NOL4: variants seen among roughly 807,000 people sequenced by gnomAD.
NOL4 encodes the protein cancer/testis antigen 125.
In NOL4, 17 loss-of-function variants were observed where a neutral mutation model predicts 75.9. The ratio of observed to expected loss-of-function variants is 0.22; its 90% CI spans 0.15 to 0.34. NOL4 has a LOEUF of 0.34. Ranked by LOEUF, NOL4 falls within the 10% of genes least tolerant of loss-of-function variation. The pLI is 1.00. For missense variants in NOL4, 614 were observed against 793.5 expected, an observed-to-expected ratio of 0.77 and a Z score of 2.72; for synonymous variants, 292 against 289.9, an observed-to-expected ratio of 1.01 and a Z score of -0.07.
At chr18:34,208,432 A>G (rs2036272154) in intron 1 of NOL4, among the ~76,000 whole-genome samples, 1 of 151,882 alleles carries the variant, frequency 6.6e-6, no homozygotes, top group Non-Finnish European at 1.5e-5. Flanking sequence ...CAGCTAGATG[A>G]CAAGAAAAAG....
chr18:34,092,146 G>A (rs941381347), intron 5 of NOL4, among the ~76,000 whole-genome samples: 12 of 150,764 alleles, frequency 8.0e-5, no homozygotes, highest in Non-Finnish European at 1.5e-5. Flanking sequence ...ACATTACTAA[G>A]AATATTTCAG....
chr18:33,891,761 A>G (rs2065109085), intron 9 of NOL4, among the ~76,000 whole-genome samples: 1 of 152,190 alleles, frequency 6.6e-6, no homozygotes, highest in African/African-American at 2.4e-5. Flanking sequence ...ATCAATTCAA[A>G]CTATGAGATA....
intron 5 of NOL4, among the ~76,000 whole-genome samples, chr18:34,052,800 G>C (rs2076679770): frequency 6.6e-6 from 1 of 152,000 alleles, no homozygotes; most frequent in South Asian, 2.1e-4. Context: ...TCCTGGTACA[G>C]GGAGGTAGGC....
At chr18:34,078,079 T>C (rs2077829456) in intron 5 of NOL4, among the ~76,000 whole-genome samples, 1 of 152,208 alleles carries the variant, frequency 6.6e-6, no homozygotes, top group African/African-American at 2.4e-5. Context: ...TGCATATCTG[T>C]ATGTTACTTT....
At chr18:34,004,921 C>A (rs978596978) in intron 6 of NOL4, among the ~76,000 whole-genome samples, 3 of 152,030 alleles carry the variant, frequency 2.0e-5, no homozygotes, top group Non-Finnish European at 4.4e-5. Context: ...TGTCTCCTTG[C>A]TTTTCTTGAT....
At chr18:33,862,708 A>C (rs1055371950) in intron 10 of NOL4, among the ~76,000 whole-genome samples, 11 of 152,244 alleles carry the variant, frequency 7.2e-5, no homozygotes, top group Admixed American at 1.3e-4. Context: ...ATGCAAATCT[A>C]AACCACAATG....
chr18:33,935,810 A>C (rs1476301494), intron 9 of NOL4, among the ~76,000 whole-genome samples: 2 of 152,136 alleles, frequency 1.3e-5, no homozygotes, highest in Non-Finnish European at 2.9e-5. Context: ...TTCTTCTGTG[A>C]ATGAAAGTGT....
At chr18:33,860,585 A>C (rs2063067571) in intron 10 of NOL4, among the ~76,000 whole-genome samples, 1 of 152,156 alleles carries the variant, frequency 6.6e-6, no homozygotes, top group Non-Finnish European at 1.5e-5. Context: ...GCAAACAGGG[A>C]CAATTTGACT....
chr18:33,870,207 A>G (rs989519098), intron 10 of NOL4, among the ~76,000 whole-genome samples: 1 of 152,044 alleles, frequency 6.6e-6, no homozygotes, highest in Admixed American at 6.6e-5. Context: ...AGCAGTTTTC[A>G]AGAAGGGCAT....
intron 10 of NOL4, among the ~76,000 whole-genome samples, chr18:33,881,633 G>A (rs1354744886): frequency 6.6e-6 from 1 of 152,064 alleles, no homozygotes; most frequent in African/African-American, 2.4e-5. Context: ...TACTGCCCAA[G>A]GTAATTTACA....
At chr18:34,147,800 C>T (rs2081469343) in intron 1 of NOL4, among the ~76,000 whole-genome samples, 1 of 152,092 alleles carries the variant, frequency 6.6e-6, no homozygotes, top group Non-Finnish European at 1.5e-5. Flanking sequence ...GGTACCAGCT[C>T]CTCTTTGTAC....
intron 1 of NOL4, among the ~76,000 whole-genome samples, chr18:34,174,311 A>AT (rs5823937): frequency 6.6e-6 from 1 of 152,100 alleles, no homozygotes; most frequent in Non-Finnish European, 1.5e-5. Context: ...TCTTCATAAA[A>AT]AATTTTAAAA....
At chr18:33,872,393 T>G (rs529122643) in intron 10 of NOL4, among the ~76,000 whole-genome samples, 1 of 152,134 alleles carries the variant, frequency 6.6e-6, no homozygotes, top group African/African-American at 2.4e-5. Context: ...AGCCAGGCAG[T>G]TTGAACTAAA....
chr18:33,867,679 C>CA (rs2063500862), intron 10 of NOL4, among the ~76,000 whole-genome samples: 1 of 135,066 alleles, frequency 7.4e-6, no homozygotes, highest in Non-Finnish European at 1.6e-5. Flanking sequence ...CACACACACA[C>CA]AATTCCATAT....
intron 5 of NOL4, among the ~76,000 whole-genome samples, chr18:34,040,036 G>T (rs2076073272): frequency 1.3e-5 from 2 of 151,910 alleles, no homozygotes; most frequent in South Asian, 4.1e-4. Flanking sequence ...AGTACCTTGG[G>T]CATATCAAAC....
At position 33,875,592 on chromosome 18, in the gene NOL4, C is replaced by T. The variant is rs182063390; in HGVS notation, c.1723+7652G>A. ...CCATAAACTGATGAATGAACTGGAG[C>T]CTTCCTCTTTCACCCACAGAATCCC... On this transcript the variant is annotated intron_variant, in intron 10 of 10. Transcript: ENST00000261592. Among the ~76,000 whole-genome samples, 3 of 152,084 alleles carry T rather than the reference C, an allele frequency of 2.0e-5. No individual in the cohort carries two copies. In the East Asian group the frequency reaches 5.8e-4, roughly 30 times the overall value.
At chr18:33,890,369 A>C (rs1313161748) in intron 9 of NOL4, among the ~76,000 whole-genome samples, 2 of 152,138 alleles carry the variant, frequency 1.3e-5, no homozygotes, top group Non-Finnish European at 2.9e-5. Flanking sequence ...TCAACGAAAT[A>C]AAAGAGGACA....
At chr18:33,931,679 A>G (rs1404126525) in intron 9 of NOL4, among the ~76,000 whole-genome samples, 1 of 151,994 alleles carries the variant, frequency 6.6e-6, no homozygotes, top group South Asian at 2.1e-4. Flanking sequence ...GGCTACAGTG[A>G]GCTCTGATCA....
At chr18:34,097,163 T>C (rs540957244) in intron 4 of NOL4, among the ~76,000 whole-genome samples, 2 of 152,332 alleles carry the variant, frequency 1.3e-5, no homozygotes, top group South Asian at 2.1e-4. Context: ...CTTATAAATT[T>C]GCAGCCCTAT....
Sources: allele counts gnomAD v4.1 joint callset (sites outside exome capture counted in the v4.1 genomes callset), GRCh38; gene constraint gnomAD v4.1.1; transcripts MANE v1.5; gene names NCBI Gene and HGNC (gene_info 2026-07-23, HGNC 2026-07-21).